PCDH15: variants seen among roughly 807,000 people sequenced by gnomAD.
The protein encoded by PCDH15 is protocadherin related 15, also known as protocadherin-15.
In PCDH15, 129 loss-of-function variants were observed where a neutral mutation model predicts 178.5. The observed-to-expected ratio is 0.72, with a 90% CI of 0.63 to 0.84. PCDH15 has a LOEUF of 0.84. PCDH15 is among the 40% of genes least tolerant of loss of function. The pLI is 0.00. For synonymous variants in PCDH15, 800 were observed against 732.0 expected (o/e 1.09, Z -1.50); for missense variants, 2,230 against 2,099.9 (o/e 1.06, Z -1.21).
intron 3 of PCDH15, among the ~76,000 whole-genome samples, chr10:54,852,180 A>G (rs1369713750): frequency 6.6e-6 from 1 of 152,210 alleles, no homozygotes; most frequent in Admixed American, 6.6e-5. Flanking sequence ...TATTTTTGGT[A>G]TCTAGGGAGA....
chr10:54,838,229 C>A (rs182240885), intron 3 of PCDH15, among the ~76,000 whole-genome samples: 1 of 152,120 alleles, frequency 6.6e-6, no homozygotes, highest in African/African-American at 2.4e-5. Context: ...CAAATATCAC[C>A]TTGAATTGTA....
chr10:53,805,746 C>A lies in PCDH15; in HGVS notation c.*833G>T, dbSNP rs74134791. The stretch of plus-strand genomic sequence containing the variant: ...ACCATGTCTTCCATTATGAAATTGT[C>A]GTTCTAGATGCATTACTGCTTACTC... On this transcript the variant is annotated 3_prime_UTR_variant, in exon 38 of 38. Coordinates refer to ENST00000644397, the MANE Select transcript of PCDH15 (RefSeq NM_001384140.1). 1 of 152,016 alleles carries A rather than the reference C, an allele frequency of 6.6e-6. No individual in the cohort carries two copies. 9.4% of individuals were successfully genotyped at this position (152,016 alleles called of 1,614,324 possible). A position where few individuals can be genotyped will look rare whatever the true frequency, so the allele number is the denominator to read the frequency against.
intron 2 of PCDH15, among the ~76,000 whole-genome samples, chr10:55,373,174 T>C (rs1272902226): frequency 2.0e-5 from 3 of 152,120 alleles, no homozygotes; most frequent in Non-Finnish European, 2.9e-5. Flanking sequence ...AAATTTATGC[T>C]ATTAAGGGGA....
At chr10:55,402,310 C>A (rs1397286096) in intron 2 of PCDH15, among the ~76,000 whole-genome samples, 1 of 151,954 alleles carries the variant, frequency 6.6e-6, no homozygotes, top group Non-Finnish European at 1.5e-5. Flanking sequence ...GTGTAATGAT[C>A]AAGTCAGAGT....
chr10:54,750,688 C>A (rs1321517119), intron 1 of PCDH15, among the ~76,000 whole-genome samples: 1 of 151,956 alleles, frequency 6.6e-6, no homozygotes, highest in Non-Finnish European at 1.5e-5. Context: ...ACATTGTATT[C>A]AAAATAAAAT....
intron 1 of PCDH15, chr10:55,247,799 G>A (rs1841720571): frequency 6.6e-6 from 1 of 151,224 alleles, no homozygotes; most frequent in Non-Finnish European, 1.5e-5. Flanking sequence ...TACTTGAGAG[G>A]CTGAGGTGGG....
chr10:54,699,531 T>C (rs1023554594), intron 1 of PCDH15, among the ~76,000 whole-genome samples: 1 of 152,100 alleles, frequency 6.6e-6, no homozygotes, highest in Non-Finnish European at 1.5e-5. Context: ...ATGATGGCAA[T>C]GCAGTCCCAC....
rs552258822 is a variant in PCDH15, at chr10:54,836,295, T to C, written c.-29+61155A>G. 2.6e-5 allele frequency among the ~76,000 whole-genome samples: 4 copies of C among 152,252 alleles called. No individual in the cohort carries two copies. The South Asian group carries it at 8.3e-4, about 32-fold the overall frequency. ...ATCAGAAATGGAGAGCATTCCTGAC[T>C]GGAGTAAAATAAATGTCAAGGTTGA... On this transcript the variant is annotated intron_variant, in intron 3 of 5. Coordinates refer to the PCDH15 transcript ENST00000458638.
At chr10:53,942,138 A>G (rs2086120412) in intron 23 of PCDH15, among the ~76,000 whole-genome samples, 1 of 152,234 alleles carries the variant, frequency 6.6e-6, no homozygotes. Context: ...CAGATACTCT[A>G]GCACCTAATG....
At chr10:55,518,716 A>G (rs970844598) in intron 2 of PCDH15, among the ~76,000 whole-genome samples, 2 of 151,912 alleles carry the variant, frequency 1.3e-5, no homozygotes, top group Admixed American at 6.6e-5. Flanking sequence ...ACAGACACAT[A>G]ACTCTCCCTC....
chr10:54,871,658 T>C (rs747712413), intron 3 of PCDH15, among the ~76,000 whole-genome samples: 2 of 152,142 alleles, frequency 1.3e-5, no homozygotes, highest in Non-Finnish European at 2.9e-5. Flanking sequence ...TTAATCAATC[T>C]ATTAGGTTAG....
intron 1 of PCDH15, among the ~76,000 whole-genome samples, chr10:54,797,074 G>A (rs982584940): frequency 2.6e-5 from 4 of 151,932 alleles, no homozygotes; most frequent in East Asian, 1.9e-4. Context: ...TGCACACACC[G>A]CTGTCCTCCC....
intron 3 of PCDH15, among the ~76,000 whole-genome samples, chr10:54,844,546 T>A (rs1443218554): frequency 6.6e-6 from 1 of 152,022 alleles, no homozygotes; most frequent in Non-Finnish European, 1.5e-5. Context: ...TTTCCCTCAC[T>A]CCTGCTTTGG....
At chr10:55,278,901 C>A (rs1222184601) in intron 1 of PCDH15, among the ~76,000 whole-genome samples, 1 of 152,112 alleles carries the variant, frequency 6.6e-6, no homozygotes, top group African/African-American at 2.4e-5. Context: ...GTGTACAAAG[C>A]CTCAGGCAAA....
chr10:54,351,671 G>C (rs1944204818), intron 5 of PCDH15, among the ~76,000 whole-genome samples: 1 of 152,094 alleles, frequency 6.6e-6, no homozygotes, highest in Non-Finnish European at 1.5e-5. Flanking sequence ...CTCACTTTTA[G>C]AGGTGATTTC....
chr10:55,432,845 C>T (rs1183813584), intron 2 of PCDH15, among the ~76,000 whole-genome samples: 1 of 151,642 alleles, frequency 6.6e-6, no homozygotes, highest in African/African-American at 2.4e-5. Context: ...AGGATGCTCT[C>T]GATCTCCTGA....
At position 55,602,646 on chromosome 10, in the gene PCDH15, A is replaced by C. The variant is rs570733544; in HGVS notation, c.-156+24979T>G. 9.7e-3 allele frequency among the ~76,000 whole-genome samples: 1,467 copies of C among 151,546 alleles called. 7 individuals carry two copies. The highest frequency in any genetic ancestry group is 0.013 in the Non-Finnish European group (868 of 67,730). ...GGGGCACACTGACACCTCACACAGC[A>C]GGGTACTCCAACAGACCTGCAGCTG... On this transcript the variant is annotated intron_variant, in intron 2 of 5. Transcript: ENST00000613346.
Position 53,804,836 on chromosome 10 carries a change from A to C in PCDH15, c.*1743T>G, listed in dbSNP as rs904887899. On this transcript the variant is annotated 3_prime_UTR_variant, in exon 38 of 38. Coordinates refer to ENST00000644397, the MANE Select transcript of PCDH15 (RefSeq NM_001384140.1). Reference sequence around the variant, plus strand: ...TAATGTGCATATAAACCACCTTAGGATCTTTTGAAAATGTGGATGCTTGTT... The same window carrying C: ...TAATGTGCATATAAACCACCTTAGGCTCTTTTGAAAATGTGGATGCTTGTT... 1.3e-5 allele frequency: 2 copies of C among 151,908 alleles called. No individual in the cohort carries two copies. Among genetic ancestry groups the C allele is most frequent in the Non-Finnish European group, 2.9e-5 (2 of 67,902 alleles). The allele number at this position is 151,908 out of a possible 1,614,324, so 9.4% of individuals were successfully genotyped here.
intron 1 of PCDH15, among the ~76,000 whole-genome samples, chr10:54,778,418 T>A (rs1949935924): frequency 6.6e-6 from 1 of 152,164 alleles, no homozygotes; most frequent in Non-Finnish European, 1.5e-5. Context: ...TTATCAGCTA[T>A]TGTTTCTCTG....
Sources: gnomAD v4.1 joint callset for allele counts (sites outside exome capture counted in the v4.1 genomes callset) on GRCh38, gnomAD v4.1.1 for gene constraint, MANE v1.5 for transcripts, NCBI Gene and HGNC (gene_info 2026-07-23, HGNC 2026-07-21) for gene names.